The following DOCK9 variants were observed in gnomAD, a reference collection of about 807,000 sequenced individuals.
DOCK9 encodes the protein dedicator of cytokinesis 9, also known as dedicator of cytokinesis protein 9.
Under a neutral mutation model 263.3 loss-of-function variants are expected in DOCK9, and 89 were observed. That is an observed-to-expected ratio of 0.34 (90% confidence interval 0.28 to 0.40). The LOEUF (loss-of-function observed/expected upper bound fraction) is 0.40, where lower values mean the gene tolerates loss of function less well. DOCK9 is among the 10% of genes least tolerant of loss of function. The pLI is 1.00. For missense variants in DOCK9, 2,140 were observed against 2,603.4 expected, an observed-to-expected ratio of 0.82 and a Z score of 3.87; for synonymous variants, 976 against 973.1, an observed-to-expected ratio of 1.00 and a Z score of -0.06.
intron 1 of DOCK9, among the ~76,000 whole-genome samples, chr13:99,003,701 CTT>C (rs1435335158): frequency 1.3e-5 from 2 of 152,118 alleles, no homozygotes; most frequent in African/African-American, 4.8e-5. Flanking sequence ...TTAACACTCT[CTT>C]AAATCTTCTA....
intron 37 of DOCK9, among the ~76,000 whole-genome samples, chr13:98,848,234 G>A (rs577690585): frequency 3.9e-5 from 6 of 152,282 alleles, no homozygotes; most frequent in South Asian, 4.2e-4. Context: ...AAGTCAAACA[G>A]AGGAAGAGAA....
intron 1 of DOCK9, among the ~76,000 whole-genome samples, chr13:98,985,834 C>T (rs564346410): frequency 1.3e-5 from 2 of 152,316 alleles, no homozygotes; most frequent in East Asian, 3.9e-4. Flanking sequence ...TATCCCCCTA[C>T]CCCACCCCAC....
intron 33 of DOCK9, 82 bp from the exon 34 acceptor site, chr13:98,856,113 C>A: frequency 2.1e-6 from 3 of 1,440,798 alleles, no homozygotes; most frequent in Middle Eastern, 1.8e-4. Context: ...AGGGAAATTG[C>A]TTTTATTGCA....
chr13:98,942,490 G>A (rs1398956787), intron 2 of DOCK9, among the ~76,000 whole-genome samples: 17 of 151,968 alleles, frequency 1.1e-4, no homozygotes, highest in African/African-American at 2.9e-4. Context: ...TGCCCACCTC[G>A]GCCTCCCAAA....
chr13:98,851,991 A>T (rs2093587465), intron 35 of DOCK9, among the ~76,000 whole-genome samples: 2 of 152,222 alleles, frequency 1.3e-5, no homozygotes. Context: ...GTTGCATTTT[A>T]AAAATATGTG....
At chr13:99,025,231 T>C (rs1157867178) in intron 1 of DOCK9, 1 of 152,150 alleles carries the variant, frequency 6.6e-6, no homozygotes, top group Non-Finnish European at 1.5e-5. Flanking sequence ...TAAAAACAAA[T>C]AGGTGCTTGC....
intron 1 of DOCK9, among the ~76,000 whole-genome samples, chr13:99,000,548 G>A (rs1462334347): frequency 6.6e-6 from 1 of 152,028 alleles, no homozygotes; most frequent in African/African-American, 2.4e-5. Flanking sequence ...TTTGAAATTT[G>A]CTCAAGAAAA....
chr13:98,971,327 A>G (rs1055363533), intron 1 of DOCK9, among the ~76,000 whole-genome samples: 8 of 152,218 alleles, frequency 5.3e-5, no homozygotes, highest in African/African-American at 1.9e-4. Flanking sequence ...CAGCCTCTGT[A>G]AACACTATGG....
At chr13:98,986,362 A>T (rs1302702226) in intron 1 of DOCK9, among the ~76,000 whole-genome samples, 1 of 152,234 alleles carries the variant, frequency 6.6e-6, no homozygotes, top group African/African-American at 2.4e-5. Flanking sequence ...TCGGGGGTGG[A>T]GGGGACAGGC....
chr13:98,918,788 C>T (rs539192241), intron 7 of DOCK9, among the ~76,000 whole-genome samples: 1 of 152,226 alleles, frequency 6.6e-6, no homozygotes, highest in African/African-American at 2.4e-5. Flanking sequence ...TCCCCCAAAA[C>T]AAGAAAGTAG....
At chr13:98,807,907 G>T (rs2090906598) in intron 47 of DOCK9, 100 bp from the exon 48 acceptor site, 2 of 1,025,790 alleles carry the variant, frequency 1.9e-6, no homozygotes, top group Non-Finnish European at 2.7e-6. Flanking sequence ...AAAGGAATGG[G>T]TCTAAAAATC....
At chr13:98,861,140 G>C (rs1464809658) in intron 32 of DOCK9, among the ~76,000 whole-genome samples, 2 of 152,218 alleles carry the variant, frequency 1.3e-5, no homozygotes, top group African/African-American at 4.8e-5. Flanking sequence ...GAGAATACAA[G>C]TGTGAAATGT....
At chr13:99,085,977 G>A (rs2042322399) in intron 1 of DOCK9, among the ~76,000 whole-genome samples, 1 of 152,186 alleles carries the variant, frequency 6.6e-6, no homozygotes, top group South Asian at 2.1e-4. Flanking sequence ...TTTCCCAGGA[G>A]GAAGGGGACA....
intron 1 of DOCK9, among the ~76,000 whole-genome samples, chr13:98,956,608 G>A (rs1438012283): frequency 1.3e-5 from 2 of 152,162 alleles, no homozygotes; most frequent in African/African-American, 2.4e-5. Flanking sequence ...TTAGCCAGGC[G>A]TGGTGGCATA....
At chr13:98,888,299 G>C in intron 17 of DOCK9, 61 bp downstream of exon 17, 1 of 1,602,654 alleles carries the variant, frequency 6.2e-7, no homozygotes, top group Non-Finnish European at 8.5e-7. Context: ...AAAGAACATG[G>C]GACGCTGAAT....
chr13:98,796,572 G>C (rs2089438726), intron 52 of DOCK9, among the ~76,000 whole-genome samples: 2 of 152,192 alleles, frequency 1.3e-5, no homozygotes, highest in African/African-American at 4.8e-5. Flanking sequence ...ACAGGAAAGA[G>C]ATAACAGCAA....
In DOCK9 at chr13:98,794,241, G is replaced by C. The variant is rs760152956; in HGVS notation, c.*385C>G. ...TTTCAAGATTTTCCAGCTCAGCCTC[G>C]AGGCAAAAGGTCCCCCAGGCATCAA... is the stretch of plus-strand genomic sequence containing the variant. On this transcript the variant is annotated 3_prime_UTR_variant, in exon 53 of 53. Coordinates refer to ENST00000682017, the MANE Select transcript of DOCK9 (RefSeq NM_001366683.2). 1 of 188,274 alleles carries C rather than the reference G, an allele frequency of 5.3e-6. No individual in the cohort carries two copies. The highest frequency in any genetic ancestry group is 1.1e-5 in the Non-Finnish European group (1 of 92,016). 11.7% of individuals were successfully genotyped at this position (188,274 alleles called of 1,614,324 possible).
intron 1 of DOCK9, among the ~76,000 whole-genome samples, chr13:99,079,873 C>G (rs2042059333): frequency 1.3e-5 from 2 of 152,094 alleles, no homozygotes. Context: ...AACCCCGTCT[C>G]TACTAAAATT....
At chr13:98,969,722 G>C (rs1299308772) in intron 1 of DOCK9, among the ~76,000 whole-genome samples, 1 of 152,218 alleles carries the variant, frequency 6.6e-6, no homozygotes, top group African/African-American at 2.4e-5. Flanking sequence ...ACTGGGGCTT[G>C]AAGCATAAAA....
Sources: gnomAD v4.1 joint callset for allele counts (sites outside exome capture counted in the v4.1 genomes callset) on GRCh38, gnomAD v4.1.1 for gene constraint, MANE v1.5 for transcripts, NCBI Gene and HGNC (gene_info 2026-07-23, HGNC 2026-07-21) for gene names.